The following AGO3 variants were observed in gnomAD, a reference collection of about 807,000 sequenced individuals.
AGO3 encodes the protein argonaute RISC catalytic component 3, also known as protein argonaute-3.
Under a neutral mutation model 105.5 loss-of-function variants are expected in AGO3, and 16 were observed. That is an observed-to-expected ratio of 0.15 (90% CI 0.10 to 0.23). AGO3 has a LOEUF of 0.23. AGO3 is among the 10% of genes least tolerant of loss of function. The probability of loss-of-function intolerance (pLI) is 1.00; values close to 1 mark genes in which losing one functional copy is unlikely to be tolerated. For missense variants in AGO3, 534 were observed against 1,088.0 expected, an observed-to-expected ratio of 0.49 and a Z score of 7.16; for synonymous variants, 340 against 367.3, an observed-to-expected ratio of 0.93 and a Z score of 0.85.
chr1:35,960,515 T>C (rs1646654156), intron 2 of AGO3, among the ~76,000 whole-genome samples: 1 of 151,916 alleles, frequency 6.6e-6, no homozygotes, highest in African/African-American at 2.4e-5. Flanking sequence ...AAATTCTAAA[T>C]ATATGAATTT....
intron 2 of AGO3, among the ~76,000 whole-genome samples, chr1:35,952,148 C>CTTTCT (rs1646485386): frequency 1.1e-4 from 2 of 18,040 alleles, no homozygotes; most frequent in Admixed American, 6.4e-4. Flanking sequence ...TTCTTTCTTT[C>CTTTCT]TTTTTTTTTT....
intron 4 of AGO3, 125 bp downstream of exon 4, chr1:35,972,357 A>C: frequency 9.1e-7 from 1 of 1,101,700 alleles, no homozygotes; most frequent in East Asian, 2.6e-5. Context: ...TTGAACAAGA[A>C]TAGCATCCAT....
At chr1:36,030,095 ATTAG>A (rs1641701779) in intron 12 of AGO3, among the ~76,000 whole-genome samples, 1 of 152,240 alleles carries the variant, frequency 6.6e-6, no homozygotes, top group Non-Finnish European at 1.5e-5. Context: ...ATAGTTTATT[ATTAG>A]TTAAATAAAA....
intron 12 of AGO3, among the ~76,000 whole-genome samples, chr1:36,029,627 A>C (rs1440155514): frequency 6.7e-6 from 1 of 150,044 alleles, no homozygotes; most frequent in Non-Finnish European, 1.5e-5. Context: ...CAATCTCATG[A>C]CCTTGTGATC....
intron 5 of AGO3, among the ~76,000 whole-genome samples, chr1:36,003,709 A>AAAAATATATATAT (rs1295618675): frequency 2.0e-5 from 2 of 99,436 alleles, no homozygotes; most frequent in Non-Finnish European, 3.9e-5. Flanking sequence ...AAAAAAAAAA[A>AAAAATATATATAT]ATATATATAT....
intron 12 of AGO3, among the ~76,000 whole-genome samples, chr1:36,032,666 C>T (rs1641833383): frequency 6.6e-6 from 1 of 151,182 alleles, no homozygotes; most frequent in Admixed American, 6.6e-5. Context: ...AGGTGTGAGA[C>T]ATTGCACCCA....
At chr1:35,975,931 TTC>T (rs1355621361) in intron 5 of AGO3, among the ~76,000 whole-genome samples, 4 of 151,980 alleles carry the variant, frequency 2.6e-5, no homozygotes, top group African/African-American at 9.7e-5. Flanking sequence ...CTTTTTTTTT[TTC>T]TTTCTTTCTT....
At chr1:35,951,956 G>A (rs1646476898) in intron 2 of AGO3, among the ~76,000 whole-genome samples, 1 of 151,960 alleles carries the variant, frequency 6.6e-6, no homozygotes, top group Non-Finnish European at 1.5e-5. Context: ...CAGAGAGGAT[G>A]TACAGCCGTC....
rs186854361 is a variant in AGO3, at chr1:36,031,272, G to A, written c.1592-2902G>A. ...GTGCACTGCAGCCCCAAACTCCTGG[G>A]CTCAAGTACTCTACCCACCTCAGCC... On this transcript the variant is annotated intron_variant, in intron 12 of 18. Coordinates refer to ENST00000373191, the MANE Select transcript of AGO3 (RefSeq NM_024852.4). Among the ~76,000 whole-genome samples the A allele has an allele frequency of 2.2e-3, 331 of 151,896 alleles. 3 individuals are homozygous for A. The highest frequency in any genetic ancestry group is 7.5e-3 in the African/African-American group (310 of 41,436).
chr1:35,960,476 T>A (rs1646652735), intron 2 of AGO3, among the ~76,000 whole-genome samples: 1 of 151,846 alleles, frequency 6.6e-6, no homozygotes, highest in Admixed American at 6.6e-5. Flanking sequence ...CAAGACCTGG[T>A]CTCAAAAAAA....
intron 14 of AGO3, among the ~76,000 whole-genome samples, chr1:36,039,023 C>CT (rs1642134275): frequency 6.6e-6 from 1 of 152,136 alleles, no homozygotes; most frequent in Non-Finnish European, 1.5e-5. Context: ...CTCTTATTCT[C>CT]TTATACACAT....
At chr1:36,013,782 A>C (rs758685203) in intron 10 of AGO3, 30 bp downstream of exon 10, 2 of 1,609,752 alleles carry the variant, frequency 1.2e-6, no homozygotes, top group East Asian at 4.5e-5. Context: ...TTTTAATCAT[A>C]CACATATTGT....
At chr1:35,968,505 C>T (rs1247565233) in intron 3 of AGO3, among the ~76,000 whole-genome samples, 2 of 152,116 alleles carry the variant, frequency 1.3e-5, no homozygotes, top group Admixed American at 6.6e-5. Flanking sequence ...TTCTAGGTAC[C>T]TCATGTAAGT....
intron 5 of AGO3, among the ~76,000 whole-genome samples, chr1:35,992,870 T>C (rs1647814029): frequency 6.6e-6 from 1 of 152,206 alleles, no homozygotes. Flanking sequence ...CTCAAGTCCT[T>C]ACAGGGCCTG....
At chr1:35,938,510 C>T (rs191014336) in intron 1 of AGO3, among the ~76,000 whole-genome samples, 23 of 152,116 alleles carry the variant, frequency 1.5e-4, no homozygotes, top group South Asian at 4.1e-4. Flanking sequence ...AGTAATGTGT[C>T]GTAAGTATCT....
chr1:35,992,696 TA>T (rs1647795900), intron 5 of AGO3, among the ~76,000 whole-genome samples: 1 of 152,240 alleles, frequency 6.6e-6, no homozygotes, highest in Non-Finnish European at 1.5e-5. Context: ...ATATACTTAA[TA>T]AATGTTTGGA....
Position 36,027,812 on chromosome 1 carries a change from G to C in AGO3, c.1591+514G>C, listed in dbSNP as rs952794422. Among the ~76,000 whole-genome samples the C allele has an allele frequency of 6.6e-6, 1 of 151,322 alleles. No individual in the cohort carries two copies. The highest frequency in any genetic ancestry group is 2.4e-5 in the African/African-American group (1 of 41,212). On this transcript the variant is annotated intron_variant, in intron 12 of 18. Transcript: ENST00000373191. This position sits in a 1 kb window ranked among gnomAD's most constrained non-coding sequence, Gnocchi z 4.0. ...AAAAAAAGGGTTTCAGTAGTGAAAA[G>C]AGGCATTACATAACAATGGCTAAAG...
At chr1:35,957,213 C>A (rs1044069621) in intron 2 of AGO3, among the ~76,000 whole-genome samples, 1 of 146,404 alleles carries the variant, frequency 6.8e-6, no homozygotes, top group Non-Finnish European at 1.5e-5. Context: ...AGCTGGGCAT[C>A]GTGGTACATG....
intron 2 of AGO3, among the ~76,000 whole-genome samples, chr1:35,946,712 C>A (rs1646371522): frequency 6.6e-6 from 1 of 152,080 alleles, no homozygotes; most frequent in Non-Finnish European, 1.5e-5. Flanking sequence ...ACTTGTCATC[C>A]TAATTGTTAG....
Sources: allele counts gnomAD v4.1 joint callset (sites outside exome capture counted in the v4.1 genomes callset), GRCh38; gene constraint gnomAD v4.1.1; non-coding constraint Gnocchi (gnomAD v3.1); transcripts MANE v1.5; gene names NCBI Gene and HGNC (gene_info 2026-07-23, HGNC 2026-07-21).